The following TRAK1 variants were observed in gnomAD, a reference collection of about 807,000 sequenced individuals.
TRAK1 encodes the protein trafficking kinesin-binding protein 1.
Under a neutral mutation model 92.1 loss-of-function variants are expected in TRAK1, and 33 were observed. The ratio of observed to expected loss-of-function variants is 0.36; its 90% confidence interval spans 0.27 to 0.48. The LOEUF (loss-of-function observed/expected upper bound fraction) is 0.48, where lower values mean the gene tolerates loss of function less well. Ranked by LOEUF, TRAK1 falls within the 20% of genes least tolerant of loss-of-function variation. The pLI, the probability that TRAK1 is intolerant of heterozygous loss-of-function variation, is 0.99. For missense variants in TRAK1, 1,123 were observed against 1,257.9 expected (o/e 0.89, Z 1.62); for synonymous variants, 521 against 517.3 (o/e 1.01, Z -0.10).
At chr3:42,042,677 TTTTA>T (rs1191249091) in intron 1 of TRAK1, among the ~76,000 whole-genome samples, 1 of 151,946 alleles carries the variant, frequency 6.6e-6, no homozygotes, top group East Asian at 1.9e-4. Flanking sequence ...AGCCTGGAAC[TTTTA>T]TTTTTTTCAA....
chr3:42,205,209 G>T (rs532779045), intron 13 of TRAK1, among the ~76,000 whole-genome samples: 11 of 152,314 alleles, frequency 7.2e-5, no homozygotes, highest in African/African-American at 2.4e-4. Context: ...ATCCAGGTCT[G>T]TAGGGCTGAG....
chr3:42,220,479 C>G (rs1220899054), intron 15 of TRAK1: 1 of 985,294 alleles, frequency 1.0e-6, no homozygotes, highest in African/African-American at 1.7e-5. Flanking sequence ...GCACCTTAAA[C>G]TATGAATAAT....
At chr3:42,133,505 A>G (rs1045485590) in intron 2 of TRAK1, among the ~76,000 whole-genome samples, 9 of 152,122 alleles carry the variant, frequency 5.9e-5, no homozygotes, top group Non-Finnish European at 1.0e-4. Flanking sequence ...ACAGGTGCAT[A>G]CTGCTGTGCC....
chr3:42,221,387 G>T (rs954273144), intron 15 of TRAK1, among the ~76,000 whole-genome samples: 1 of 152,128 alleles, frequency 6.6e-6, no homozygotes. Flanking sequence ...CCTGTTCTGG[G>T]ATCCCCACCC....
At position 42,209,805 on chromosome 3, in the gene TRAK1, C is replaced by T. The variant is rs2149503331; in HGVS notation, c.1783C>T (p.Pro595Ser). ...TCACCACTGGCAGCAGTTGGCCCAA[C>T]CTCACCTTGGGGGCATCCTGGACCC... ...TLHHWQQLAQ[P>S]HLGGILDPRP... The change falls in exon 14 of 16, where the codon CCT becomes TCT. Residue 595 changes from proline to serine, a missense_variant. This residue lies in a region of TRAK1 where 36 missense variants were observed against 71.3 expected (regional missense o/e 0.50). Transcript: ENST00000327628. 6.2e-7 allele frequency: 1 copy of T among 1,614,208 alleles called. No individual in the cohort carries two copies. Among genetic ancestry groups the T allele is most frequent in the Non-Finnish European group, 8.5e-7 (1 of 1,180,028 alleles).
intron 1 of TRAK1, among the ~76,000 whole-genome samples, chr3:42,103,739 C>T (rs1352430755): frequency 6.6e-6 from 1 of 152,166 alleles, no homozygotes; most frequent in Non-Finnish European, 1.5e-5. Flanking sequence ...CGAAAAGGAA[C>T]AGCTCCAGTC....
At chr3:42,184,880 A>G in intron 4 of TRAK1, 79 bp downstream of exon 4, 2 of 1,370,888 alleles carry the variant, frequency 1.5e-6, no homozygotes, top group Non-Finnish European at 2.1e-6. Flanking sequence ...AGGAGATGAG[A>G]GAATGGAGTC....
At chr3:42,096,759 CAA>C (rs1020019290) in intron 1 of TRAK1, among the ~76,000 whole-genome samples, 1 of 152,216 alleles carries the variant, frequency 6.6e-6, no homozygotes, top group Non-Finnish European at 1.5e-5. Flanking sequence ...GCTGGCTACT[CAA>C]GGGTCCAAGA....
At chr3:42,024,277 T>C (rs535642026) in intron 1 of TRAK1, among the ~76,000 whole-genome samples, 1 of 152,306 alleles carries the variant, frequency 6.6e-6, no homozygotes, top group South Asian at 2.1e-4. Context: ...TTCACAGGGT[T>C]ACTCTGCTGT....
chr3:42,184,316 C>A (rs1011275940), intron 3 of TRAK1, among the ~76,000 whole-genome samples: 2 of 152,356 alleles, frequency 1.3e-5, no homozygotes, highest in South Asian at 4.1e-4. Flanking sequence ...CTGTGCCGGG[C>A]CCTGGCAATA....
intron 6 of TRAK1, among the ~76,000 whole-genome samples, chr3:42,191,202 C>T (rs1705676614): frequency 6.6e-6 from 1 of 152,082 alleles, no homozygotes; most frequent in Non-Finnish European, 1.5e-5. Flanking sequence ...CTGTGCGGGT[C>T]ACAGAGCATC....
intron 1 of TRAK1, among the ~76,000 whole-genome samples, chr3:42,062,611 T>C (rs1475713191): frequency 6.6e-6 from 1 of 152,204 alleles, no homozygotes; most frequent in East Asian, 1.9e-4. Flanking sequence ...TGCATGCTAC[T>C]CTGTGTGAAA....
intron 1 of TRAK1, among the ~76,000 whole-genome samples, chr3:42,030,706 ATATATATATATATATATATATATATAT>A: frequency 4.8e-4 from 2 of 4,200 alleles, no homozygotes; most frequent in East Asian, 0.011. Context: ...ATATATATAT[ATATATATATATATATATATATATATAT>A]ATATATATGT....
intron 2 of TRAK1, among the ~76,000 whole-genome samples, chr3:42,136,273 G>A (rs1697942746): frequency 6.6e-6 from 1 of 152,152 alleles, no homozygotes; most frequent in African/African-American, 2.4e-5. Context: ...CACCTACCCT[G>A]TTCTTCAGCT....
Position 42,125,499 on chromosome 3 carries a change from A to G in TRAK1, c.171A>G (p.Arg57=). 1.2e-6 allele frequency: 2 copies of G among 1,614,218 alleles called. No homozygotes were observed. Among genetic ancestry groups the G allele is most frequent in the Non-Finnish European group, 1.7e-6 (2 of 1,180,046 alleles). Reference sequence around the variant, plus strand: ...AGCAGCTGCCCCATTATAAGTTAAGAGCCGACACCATCTACGGTTATGACC... The same window carrying G: ...AGCAGCTGCCCCATTATAAGTTAAGGGCCGACACCATCTACGGTTATGACC... ...LEEQLPHYKL[R]ADTIYGYDHD... The change falls in exon 2 of 16, where the codon AGA becomes AGG. Residue 57 remains arginine, a synonymous_variant. Transcript: ENST00000327628.
chr3:42,130,831 T>C (rs1407903528), intron 2 of TRAK1, among the ~76,000 whole-genome samples: 2 of 152,168 alleles, frequency 1.3e-5, no homozygotes, highest in Admixed American at 6.5e-5. Context: ...CAACCATCAT[T>C]GTTCACATGG....
intron 1 of TRAK1, among the ~76,000 whole-genome samples, chr3:42,049,725 A>G (rs1392814144): frequency 2.0e-5 from 3 of 151,814 alleles, no homozygotes; most frequent in African/African-American, 7.3e-5. Context: ...CTATTCTTTA[A>G]TTTTCAAAAG....
At chr3:42,046,497 C>T (rs972098429) in intron 1 of TRAK1, among the ~76,000 whole-genome samples, 1 of 152,062 alleles carries the variant, frequency 6.6e-6, no homozygotes, top group African/African-American at 2.4e-5. Flanking sequence ...TTGGCCATCT[C>T]GCCTGGCTGC....
At chr3:42,055,218 C>G (rs1488404476) in intron 1 of TRAK1, among the ~76,000 whole-genome samples, 3 of 151,996 alleles carry the variant, frequency 2.0e-5, no homozygotes, top group Non-Finnish European at 4.4e-5. Context: ...CTGCACCCAG[C>G]CTGAATTTTA....
Sources: allele counts gnomAD v4.1 joint callset (sites outside exome capture counted in the v4.1 genomes callset), GRCh38; gene constraint gnomAD v4.1.1; regional missense constraint gnomAD v4.1.1; transcripts MANE v1.5; gene names NCBI Gene and HGNC (gene_info 2026-07-23, HGNC 2026-07-21).